Variants in TRPM1 observed in about 807,000 individuals in gnomAD.
TRPM1 encodes transient receptor potential cation channel subfamily M member 1.
A neutral mutation model predicts 149.4 loss-of-function variants in TRPM1; 113 were observed. The ratio of observed to expected loss-of-function variants is 0.76; its 90% confidence interval spans 0.65 to 0.88. The LOEUF is 0.88. Among genes scored for constraint, TRPM1 ranks in the 40% least tolerant of loss-of-function variants. The probability of loss-of-function intolerance (pLI) is 0.00; values close to 1 mark genes in which losing one functional copy is unlikely to be tolerated. For synonymous variants in TRPM1, 741 were observed against 759.5 expected, an observed-to-expected ratio of 0.98 and a Z score of 0.40; for missense variants, 1,976 against 2,038.7, an observed-to-expected ratio of 0.97 and a Z score of 0.59.
At chr15:31,057,324 G>T (rs1267838366) in intron 11 of TRPM1, among the ~76,000 whole-genome samples, 1 of 152,174 alleles carries the variant, frequency 6.6e-6, no homozygotes, top group East Asian at 1.9e-4. Context: ...TCATAAGTGG[G>T]AGCTAAATGA....
rs751545788 is a variant in TRPM1 at position 31,070,112 on chromosome 15, A to G, written c.198T>C (p.Val66=). Residue 66 remains valine, a synonymous_variant, in exon 4 of 28, where the codon GTT becomes GTC. Coordinates refer to ENST00000256552, the MANE Select transcript of TRPM1 (RefSeq NM_001252024.2). ...QVETQPEKWS[V]AKHTQSYPTD... ...TTGGGTAGCTCTGGGTGTGCTTGGC[A>G]ACAGACCATTTCTCAGGCTGAGTCT... The G allele has an allele frequency of 1.9e-6, 3 of 1,614,082 alleles. No individual in the cohort carries two copies. Among genetic ancestry groups the G allele is most frequent in the Admixed American group, 1.7e-5 (1 of 60,014 alleles).
intron 18 of TRPM1, among the ~76,000 whole-genome samples, chr15:31,038,738 A>G (rs559895273): frequency 2.0e-5 from 3 of 152,260 alleles, no homozygotes; most frequent in Non-Finnish European, 4.4e-5. Flanking sequence ...AAAATAAAAT[A>G]AAAGTCCTTA....
intron 1 of TRPM1, among the ~76,000 whole-genome samples, chr15:31,095,510 C>T (rs1478880248): frequency 1.3e-5 from 2 of 150,062 alleles, no homozygotes; most frequent in South Asian, 2.1e-4. Context: ...CATGGTGAAA[C>T]CTCGTCTCTA....
At chr15:31,055,467 C>T (rs960641210) in intron 11 of TRPM1, among the ~76,000 whole-genome samples, 1 of 152,106 alleles carries the variant, frequency 6.6e-6, no homozygotes, top group Non-Finnish European at 1.5e-5. Context: ...CCAGATTTTC[C>T]AAGATACAAA....
At chr15:31,109,333 C>CAAAAAAAAAAAAA (rs36072024) in intron 1 of TRPM1, among the ~76,000 whole-genome samples, 6 of 32,286 alleles carry the variant, frequency 1.9e-4, no homozygotes, top group Non-Finnish European at 3.0e-4. Flanking sequence ...GACTCTGCCT[C>CAAAAAAAAAAAAA]AAAAAAAAAA....
chr15:31,038,029 A>C lies in TRPM1; in HGVS notation c.2439+15T>G, dbSNP rs747467453. On this transcript the variant is annotated intron_variant, in intron 19 of 27. Coordinates refer to ENST00000256552, the MANE Select transcript of TRPM1 (RefSeq NM_001252024.2). ...AGATTACACTGATATGCTTAGGGTC[A>C]AGTGTGTCACTGACCGTATTTTCCT... is the stretch of plus-strand genomic sequence containing the variant. 1.9e-6 allele frequency: 3 copies of C among 1,614,174 alleles called. No homozygotes were observed. In the Admixed American group the frequency reaches 5.0e-5, roughly 27 times the overall value.
Position 31,002,429 on chromosome 15 carries a change from A to C in TRPM1, c.4271T>G (p.Val1424Gly). Reference protein sequence around the residue: ...KSDVQNTQLTVETTNIEGTIS... With the variant: ...KSDVQNTQLTGETTNIEGTIS... The stretch of plus-strand genomic sequence containing the variant: ...AGTGCCTTCTATATTTGTCGTTTCC[A>C]CTGTTAGCTGAGTGTTTTGAACATC... Residue 1424 changes from valine to glycine, a missense_variant, in exon 28 of 28, where the codon GTG becomes GGG. Coordinates refer to ENST00000256552, the MANE Select transcript of TRPM1 (RefSeq NM_001252024.2). 3 of 1,614,180 alleles carry C rather than the reference A, an allele frequency of 1.9e-6. No individual in the cohort carries two copies. In the South Asian group the frequency reaches 3.3e-5, roughly 18 times the overall value.
At chr15:31,077,115 G>GA in intron 2 of TRPM1, 131 bp from the exon 3 acceptor site, 1 of 693,796 alleles carries the variant, frequency 1.4e-6, no homozygotes, top group Non-Finnish European at 2.6e-6. Flanking sequence ...AATGGTGGAT[G>GA]CAAGTCTTTA....
At chr15:31,047,289 C>A (rs199914012) in intron 14 of TRPM1, 38 bp from the exon 15 acceptor site, 1 of 1,613,616 alleles carries the variant, frequency 6.2e-7, no homozygotes, top group Admixed American at 1.7e-5. Context: ...TGTGAGAATG[C>A]GTTCGCAGTG....
At position 31,028,356 on chromosome 15, in the gene TRPM1, AC is replaced by A; in HGVS notation, c.3268del (p.Val1090Ter). The A allele has an allele frequency of 6.2e-7, 1 of 1,614,170 alleles. No individual in the cohort carries two copies. The highest frequency in any genetic ancestry group is 8.5e-7 in the Non-Finnish European group (1 of 1,180,028). ...CTTGAACACAGCAATCAGCAGGTTC[AC>A]CAGCAGGATGTTGGCGACCAGTAGA... ...CYLLVANILL[V>X]NLLIAVFNNT... On this transcript the variant is annotated frameshift_variant, in exon 25 of 28. Transcript: ENST00000256552. LOFTEE classifies it high-confidence loss of function.
chr15:31,139,060 T>C (rs755574898), intron 1 of TRPM1, among the ~76,000 whole-genome samples: 1 of 152,198 alleles, frequency 6.6e-6, no homozygotes, highest in Non-Finnish European at 1.5e-5. Context: ...ACTTCTTACA[T>C]AACCAGTTTT....
At chr15:31,113,161 T>A (rs1021808260) in intron 1 of TRPM1, among the ~76,000 whole-genome samples, 3 of 152,076 alleles carry the variant, frequency 2.0e-5, no homozygotes, top group Non-Finnish European at 4.4e-5. Context: ...AATCACCCCC[T>A]TCAAAACTCA....
intron 22 of TRPM1, among the ~76,000 whole-genome samples, chr15:31,031,976 C>T (rs115613558): frequency 0.014 from 2,031 of 150,390 alleles, 49 homozygotes; most frequent in African/African-American, 0.047. Flanking sequence ...CGGCTTCTAC[C>T]ACATGTTAGG....
chr15:31,138,159 T>C (rs2036114261), intron 1 of TRPM1, among the ~76,000 whole-genome samples: 1 of 152,170 alleles, frequency 6.6e-6, no homozygotes, highest in Non-Finnish European at 1.5e-5. Flanking sequence ...TTTGGGTCCC[T>C]GAAACAATGG....
chr15:31,089,688 G>A (rs551626634), intron 1 of TRPM1, among the ~76,000 whole-genome samples: 8 of 152,364 alleles, frequency 5.3e-5, no homozygotes, highest in African/African-American at 1.4e-4. Context: ...TTGAGGAAGC[G>A]TCAGCTCCAG....
chr15:31,116,640 G>A (rs984165209), intron 1 of TRPM1, among the ~76,000 whole-genome samples: 45 of 89,718 alleles, frequency 5.0e-4, no homozygotes, highest in African/African-American at 1.6e-3. Context: ...TAAATAAAGT[G>A]CTTCCCTACT....
chr15:31,054,479 G>C (rs1227369358), intron 11 of TRPM1, among the ~76,000 whole-genome samples: 1 of 152,038 alleles, frequency 6.6e-6, no homozygotes, highest in Non-Finnish European at 1.5e-5. Context: ...ATTTTTAGTA[G>C]AGACGGGGTT....
chr15:31,043,141 A>G (rs2033668937), intron 16 of TRPM1, among the ~76,000 whole-genome samples: 1 of 152,176 alleles, frequency 6.6e-6, no homozygotes, highest in African/African-American at 2.4e-5. Flanking sequence ...TATAGGAGGT[A>G]TCCTGGCTCT....
At position 31,093,815 on chromosome 15, in the gene TRPM1, C is replaced by T. The variant is rs555585569; in HGVS notation, c.-84+7842G>A. 1.2e-4 allele frequency among the ~76,000 whole-genome samples: 18 copies of T among 152,172 alleles called. 1 individual carries two copies. The East Asian group carries it at 3.5e-3, about 29-fold the overall frequency. On this transcript the variant is annotated intron_variant, in intron 1 of 27. Coordinates refer to ENST00000256552, the MANE Select transcript of TRPM1 (RefSeq NM_001252024.2). ...ATAGGGTTTCACCATGTTGGCCAGG[C>T]TGGCCTCCGACTCCTGACCTCAAGT...
Sources: gnomAD v4.1 joint callset for allele counts (sites outside exome capture counted in the v4.1 genomes callset) on GRCh38, gnomAD v4.1.1 for gene constraint, MANE v1.5 for transcripts, NCBI Gene and HGNC (gene_info 2026-07-23, HGNC 2026-07-21) for gene names.